RAB11FIP4: variants seen among roughly 807,000 people sequenced by gnomAD.
The protein encoded by RAB11FIP4 is RAB11 family interacting protein 4, also known as rab11 family-interacting protein 4.
A neutral mutation model predicts 74.3 loss-of-function variants in RAB11FIP4; 23 were observed. That is an observed-to-expected ratio of 0.31 (90% CI 0.22 to 0.44). RAB11FIP4 has a LOEUF of 0.44. RAB11FIP4 is among the 20% of genes least tolerant of loss of function. RAB11FIP4 has a pLI of 1.00. For synonymous variants in RAB11FIP4, 360 were observed against 359.9 expected (o/e 1.00, Z 0.00); for missense variants, 630 against 863.9 (o/e 0.73, Z 3.39).
intron 3 of RAB11FIP4, among the ~76,000 whole-genome samples, chr17:31,474,867 AAAC>A (rs1332149165): frequency 1.7e-5 from 2 of 114,822 alleles, no homozygotes; most frequent in African/African-American, 6.0e-5. Flanking sequence ...AAACAAAACA[AAAC>A]AAAACAAAAA....
chr17:31,432,106 C>G (rs897956144), intron 2 of RAB11FIP4, among the ~76,000 whole-genome samples: 1 of 152,176 alleles, frequency 6.6e-6, no homozygotes, highest in African/African-American at 2.4e-5. Context: ...GTGGTCTCAC[C>G]CATGGAAGTC....
chr17:31,424,951 G>A (rs148507293), intron 1 of RAB11FIP4, among the ~76,000 whole-genome samples: 2 of 152,188 alleles, frequency 1.3e-5, no homozygotes. Context: ...GATTAAAAGA[G>A]AGCAGAATAC....
chr17:31,513,412 G>A (rs1428408485), intron 3 of RAB11FIP4, among the ~76,000 whole-genome samples: 1 of 152,232 alleles, frequency 6.6e-6, no homozygotes, highest in African/African-American at 2.4e-5. Flanking sequence ...AGAGAGAAGA[G>A]GCTGCGTTCT....
chr17:31,418,111 G>A (rs76919423), intron 1 of RAB11FIP4, among the ~76,000 whole-genome samples: 4,696 of 152,206 alleles, frequency 0.031, 214 homozygotes, highest in African/African-American at 0.1. Flanking sequence ...AAATAGGCTA[G>A]GCGTAGTGGC....
Position 31,527,859 on chromosome 17 carries a change from A to G in RAB11FIP4, c.1292A>G (p.Glu431Gly), listed in dbSNP as rs2072794458. 6.2e-7 allele frequency: 1 copy of G among 1,606,760 alleles called. No homozygotes were observed. Among genetic ancestry groups the G allele is most frequent in the Admixed American group, 1.7e-5 (1 of 58,796 alleles). Reference protein sequence around the residue: ...LLNARVQQLEEENTELRTTVT... With the variant: ...LLNARVQQLEGENTELRTTVT... The stretch of plus-strand genomic sequence containing the variant: ...TTCGCCAGGGTGCAGCAGTTGGAGG[A>G]AGAAAATACAGAGCTTAGAACAACA... The change falls in exon 11 of 15, where the codon GAA becomes GGA. Residue 431 changes from glutamate (E) to glycine (G), a missense_variant. Glu to Gly is a moderately conservative substitution (Grantham distance 98). Coordinates refer to ENST00000621161, the MANE Select transcript of RAB11FIP4 (RefSeq NM_032932.6).
chr17:31,426,716 G>A (rs9303643), intron 1 of RAB11FIP4, among the ~76,000 whole-genome samples: 145,097 of 151,462 alleles, frequency 0.96, 69,618 homozygotes, highest in African/African-American at 0.99. Flanking sequence ...CTCCTGCCTC[G>A]GCCTCCCAAG....
chr17:31,420,836 C>A (rs2071191757), intron 1 of RAB11FIP4, among the ~76,000 whole-genome samples: 1 of 152,052 alleles, frequency 6.6e-6, no homozygotes, highest in Non-Finnish European at 1.5e-5. Flanking sequence ...GTAATCTCAG[C>A]ACTTTGGGAG....
chr17:31,399,230 C>G (rs1206262165), intron 1 of RAB11FIP4, among the ~76,000 whole-genome samples: 1 of 152,186 alleles, frequency 6.6e-6, no homozygotes, highest in East Asian at 1.9e-4. Context: ...ACTCTTAGAG[C>G]TGAGTCACAC....
chr17:31,451,510 A>G (rs944823942), intron 3 of RAB11FIP4, among the ~76,000 whole-genome samples: 1 of 150,906 alleles, frequency 6.6e-6, no homozygotes, highest in African/African-American at 2.4e-5. Flanking sequence ...TCTCCCTTGC[A>G]TAAGAGCCTC....
chr17:31,402,916 C>T (rs911191132), intron 1 of RAB11FIP4, among the ~76,000 whole-genome samples: 34 of 152,182 alleles, frequency 2.2e-4, no homozygotes, highest in African/African-American at 3.6e-4. Context: ...TGAGCCACCG[C>T]GCCTGGCCAG....
chr17:31,423,504 G>C (rs538791613), intron 1 of RAB11FIP4, among the ~76,000 whole-genome samples: 1 of 152,106 alleles, frequency 6.6e-6, no homozygotes, highest in East Asian at 1.9e-4. Context: ...AAGCCTTAGG[G>C]TTACGAGCAT....
rs1442049893 is a variant in RAB11FIP4, at chr17:31,487,985, G to A, written c.337-29666G>A. On this transcript the variant is annotated intron_variant, in intron 3 of 14. Coordinates refer to ENST00000621161, the MANE Select transcript of RAB11FIP4 (RefSeq NM_032932.6). The stretch of plus-strand genomic sequence containing the variant: ...GCCCCCGCCCCCGCCCCGCCCCGGC[G>A]CGAGGCCCCGCCCCCGAGTCCCGGG... The A allele has an allele frequency of 6.5e-6, 6 of 925,806 alleles. No individual in the cohort carries two copies. In the African/African-American group the frequency reaches 1.1e-4, roughly 17 times the overall value. The allele number at this position is 925,806 out of a possible 1,614,324, so 57.3% of individuals were successfully genotyped here.
intron 3 of RAB11FIP4, among the ~76,000 whole-genome samples, chr17:31,478,758 C>G (rs1001311719): frequency 6.6e-6 from 1 of 152,154 alleles, no homozygotes; most frequent in Admixed American, 6.5e-5. Flanking sequence ...AGGTAGTGGC[C>G]AGTCCTCAGC....
At position 31,405,570 on chromosome 17, in the gene RAB11FIP4, A is replaced by G. The variant is rs529671844; in HGVS notation, c.159+13559A>G. The stretch of plus-strand genomic sequence containing the variant: ...GTATTTTTAGTAGAGACGGGGTTTC[A>G]CTGTGTTGGCAAGGCTGGTCTGGAA... On this transcript the variant is annotated intron_variant, in intron 1 of 14. Coordinates refer to ENST00000621161, the MANE Select transcript of RAB11FIP4 (RefSeq NM_032932.6). Among the ~76,000 whole-genome samples, 423 of 152,166 alleles carry G rather than the reference A, an allele frequency of 2.8e-3. 2 individuals are homozygous for G. Among genetic ancestry groups the G allele is most frequent in the African/African-American group, 9.9e-3 (412 of 41,508 alleles).
intron 3 of RAB11FIP4, among the ~76,000 whole-genome samples, chr17:31,485,244 TC>T (rs1567671485): frequency 6.6e-6 from 1 of 152,228 alleles, no homozygotes; most frequent in Non-Finnish European, 1.5e-5. Context: ...GTTCAATGCA[TC>T]TGTGGCCTTT....
At chr17:31,517,195 G>T (rs867256362) in intron 3 of RAB11FIP4, among the ~76,000 whole-genome samples, 2 of 62,066 alleles carry the variant, frequency 3.2e-5, no homozygotes, top group African/African-American at 7.2e-5. Flanking sequence ...GCGGTGCGGG[G>T]GGGGGGGCGG....
chr17:31,521,716 T>G, intron 5 of RAB11FIP4, 199 bp from the exon 6 acceptor site: 1 of 639,546 alleles, frequency 1.6e-6, no homozygotes, highest in Non-Finnish European at 2.6e-6. Context: ...CCTTAGCTGT[T>G]AAATGGGTAT....
intron 1 of RAB11FIP4, among the ~76,000 whole-genome samples, chr17:31,408,034 C>A (rs997435852): frequency 6.6e-6 from 1 of 152,114 alleles, no homozygotes; most frequent in South Asian, 2.1e-4. Context: ...CCTTCCACCC[C>A]CCTTTTCTGA....
intron 3 of RAB11FIP4, among the ~76,000 whole-genome samples, chr17:31,457,937 AC>A (rs2071595009): frequency 6.6e-6 from 1 of 152,094 alleles, no homozygotes; most frequent in South Asian, 2.1e-4. Flanking sequence ...AACACAGGGA[AC>A]CTTCCAGTCT....
Sources: gnomAD v4.1 joint callset for allele counts (sites outside exome capture counted in the v4.1 genomes callset) on GRCh38, gnomAD v4.1.1 for gene constraint, MANE v1.5 for transcripts, NCBI Gene and HGNC (gene_info 2026-07-23, HGNC 2026-07-21) for gene names.